IGSF21: variants seen among roughly 807,000 people sequenced by gnomAD.
IGSF21 encodes the protein immunoglobulin superfamily member 21.
In IGSF21, 28 loss-of-function variants were observed where a neutral mutation model predicts 46.8. That is an observed-to-expected ratio of 0.60 (90% CI 0.44 to 0.82). The LOEUF (loss-of-function observed/expected upper bound fraction) is 0.82. IGSF21 is among the 40% of genes least tolerant of loss of function. The pLI is 0.00. For synonymous variants in IGSF21, 284 were observed against 273.6 expected (o/e 1.04, Z -0.38); for missense variants, 624 against 665.5 (o/e 0.94, Z 0.69).
At chr1:18,273,334 CCTTTCCTTTCCTTTCCTTTCCTTT>C (rs1354858564) in intron 2 of IGSF21, among the ~76,000 whole-genome samples, 1,539 of 75,852 alleles carry the variant, frequency 0.02, 136 homozygotes, top group African/African-American at 0.074. Context: ...AGCCACCATT[CCTTTCCTTTCCTTTCCTTTCCTTT>C]CCTTTCCTTT....
At chr1:18,128,717 T>C (rs1319501148) in intron 1 of IGSF21, among the ~76,000 whole-genome samples, 1 of 152,138 alleles carries the variant, frequency 6.6e-6, no homozygotes, top group Non-Finnish European at 1.5e-5. Flanking sequence ...GAAACTCCCC[T>C]AGTGGGTTTG....
intron 1 of IGSF21, among the ~76,000 whole-genome samples, chr1:18,227,131 T>C (rs1340867375): frequency 1.3e-5 from 2 of 152,122 alleles, no homozygotes; most frequent in African/African-American, 4.8e-5. Context: ...AGATAGTGGG[T>C]CTATAATGGA....
At chr1:18,200,617 A>G (rs1042106353) in intron 1 of IGSF21, among the ~76,000 whole-genome samples, 3 of 152,204 alleles carry the variant, frequency 2.0e-5, no homozygotes, top group African/African-American at 7.2e-5. Flanking sequence ...TTATAAGAAC[A>G]TTATATTCAA....
At chr1:18,255,033 G>T (rs1382177300) in intron 2 of IGSF21, among the ~76,000 whole-genome samples, 1 of 152,210 alleles carries the variant, frequency 6.6e-6, no homozygotes, top group South Asian at 2.1e-4. Context: ...TCAAGGGATA[G>T]GTGCTTTGAA....
Position 18,134,451 on chromosome 1 carries a change from G to C in IGSF21, c.70+26253G>C, listed in dbSNP as rs57906826. Among the ~76,000 whole-genome samples the C allele has an allele frequency of 5.3e-3, 802 of 152,228 alleles. 13 individuals carry two copies. Among genetic ancestry groups the C allele is most frequent in the African/African-American group, 0.018 (763 of 41,530 alleles). ...CTGGTTCTTCTCTGTGACCAGCTTT[G>C]ATGCCAGCTCATCTCCCTGGGGGAG... On this transcript the variant is annotated intron_variant, in intron 1 of 9. Transcript: ENST00000251296.
intron 1 of IGSF21, among the ~76,000 whole-genome samples, chr1:18,216,219 AG>A (rs2084444296): frequency 6.6e-6 from 1 of 152,150 alleles, no homozygotes; most frequent in African/African-American, 2.4e-5. Context: ...TGTTCCAGGA[AG>A]AGGAAACAGC....
At position 18,208,219 on chromosome 1, in the gene IGSF21, A is replaced by G. The variant is rs140046313; in HGVS notation, c.71-19679A>G. ...GGTGGGCATGCTGAAAGCAACCTTCACCTTCTTCATAACCCACCTGATCTC... is the reference window on the plus strand; with the variant it reads ...GGTGGGCATGCTGAAAGCAACCTTCGCCTTCTTCATAACCCACCTGATCTC... On this transcript the variant is annotated intron_variant, in intron 1 of 9. Transcript: ENST00000251296. Among the ~76,000 whole-genome samples the G allele has an allele frequency of 4.8e-4, 73 of 151,000 alleles. No individual in the cohort carries two copies. The East Asian group carries it at 0.011, about 22-fold the overall frequency.
At chr1:18,315,881 G>GTGGA (rs981450636) in intron 3 of IGSF21, among the ~76,000 whole-genome samples, 6 of 144,652 alleles carry the variant, frequency 4.1e-5, no homozygotes, top group African/African-American at 1.3e-4. Flanking sequence ...TGAGAAGTGA[G>GTGGA]TGGATGGATG....
At chr1:18,333,904 A>G (rs1230677449) in intron 3 of IGSF21, among the ~76,000 whole-genome samples, 2 of 152,262 alleles carry the variant, frequency 1.3e-5, no homozygotes, top group African/African-American at 4.8e-5. Flanking sequence ...AGAAAAAAAC[A>G]GAAGAAGGAT....
chr1:18,369,912 G>T (rs1346007172), intron 6 of IGSF21, among the ~76,000 whole-genome samples: 1 of 152,134 alleles, frequency 6.6e-6, no homozygotes, highest in African/African-American at 2.4e-5. Context: ...ATGCCTGAGC[G>T]TCCTGGCACC....
intron 1 of IGSF21, among the ~76,000 whole-genome samples, chr1:18,209,462 CT>C (rs1304977558): frequency 8.1e-4 from 117 of 144,746 alleles, no homozygotes; most frequent in Non-Finnish European, 7.6e-4. Context: ...TTCTTTCTTT[CT>C]TTTTTTTTTT....
At chr1:18,125,391 G>A (rs2086266761) in intron 1 of IGSF21, among the ~76,000 whole-genome samples, 1 of 152,150 alleles carries the variant, frequency 6.6e-6, no homozygotes, top group Admixed American at 6.5e-5. Flanking sequence ...CCTGGTGCAG[G>A]GCAGGTATCA....
chr1:18,254,310 G>T (rs1425353784), intron 2 of IGSF21, among the ~76,000 whole-genome samples: 1 of 144,976 alleles, frequency 6.9e-6, no homozygotes, highest in Non-Finnish European at 1.5e-5. Context: ...CTCTTTTTGA[G>T]CCATTCACTG....
chr1:18,296,272 G>A (rs1006592527), intron 3 of IGSF21, among the ~76,000 whole-genome samples: 1 of 152,138 alleles, frequency 6.6e-6, no homozygotes, highest in African/African-American at 2.4e-5. Context: ...CACCCTTCTA[G>A]GTTCTTGGCT....
chr1:18,213,247 C>T (rs942518890), intron 1 of IGSF21, among the ~76,000 whole-genome samples: 1 of 152,112 alleles, frequency 6.6e-6, no homozygotes, highest in Non-Finnish European at 1.5e-5. Context: ...CCACCAAGAA[C>T]GTTATTGAAT....
At chr1:18,149,155 G>C (rs2086497940) in intron 1 of IGSF21, among the ~76,000 whole-genome samples, 1 of 151,682 alleles carries the variant, frequency 6.6e-6, no homozygotes, top group Admixed American at 6.6e-5. Flanking sequence ...TGACATGTGT[G>C]CCTGAGCCCC....
intron 4 of IGSF21, chr1:18,361,863 C>A: frequency 2.1e-6 from 1 of 485,616 alleles, no homozygotes; most frequent in Non-Finnish European, 3.7e-6. Flanking sequence ...TTGATCTGTG[C>A]TATCTCTTGA....
At chr1:18,231,821 G>C (rs1400904899) in intron 2 of IGSF21, among the ~76,000 whole-genome samples, 1 of 152,058 alleles carries the variant, frequency 6.6e-6, no homozygotes, top group Non-Finnish European at 1.5e-5. Context: ...CCTGACAAGA[G>C]AATAGCAGTG....
At chr1:18,356,246 CTGATGAGTG>C (rs1002640916) in intron 4 of IGSF21, among the ~76,000 whole-genome samples, 2 of 152,192 alleles carry the variant, frequency 1.3e-5, no homozygotes, top group African/African-American at 4.8e-5. Context: ...ATGAATGGTG[CTGATGAGTG>C]TGATGAGTGT....
Sources: gnomAD v4.1 joint callset for allele counts (sites outside exome capture counted in the v4.1 genomes callset) on GRCh38, gnomAD v4.1.1 for gene constraint, MANE v1.5 for transcripts, NCBI Gene and HGNC (gene_info 2026-07-23, HGNC 2026-07-21) for gene names.